CCZ1: variants seen among roughly 807,000 people sequenced by gnomAD.
CCZ1 encodes the protein vacuolar fusion protein CCZ1 homolog.
CCZ1 carries 19 observed loss-of-function variants against 57.8 expected under a neutral mutation model. The observed-to-expected ratio is 0.33, with a 90% CI of 0.23 to 0.48. The LOEUF (loss-of-function observed/expected upper bound fraction) is 0.48, where lower values mean the gene tolerates loss of function less well. CCZ1 is among the 20% of genes least tolerant of loss of function. The pLI, the probability that CCZ1 is intolerant of heterozygous loss-of-function variation, is 0.99. For synonymous variants in CCZ1, 81 were observed against 167.0 expected, an observed-to-expected ratio of 0.49 and a Z score of 3.97; for missense variants, 200 against 492.0, an observed-to-expected ratio of 0.41 and a Z score of 5.61.
intron 7 of CCZ1, 30 bp from the exon 8 acceptor site, chr7:5,910,005 G>GT (rs1391598510): frequency 6.3e-7 from 1 of 1,593,980 alleles, no homozygotes; most frequent in Non-Finnish European, 8.6e-7. Flanking sequence ...AGTTCCAAAC[G>GT]TTTAACCCAG....
intron 4 of CCZ1, 130 bp from the exon 5 acceptor site, chr7:5,901,527 G>C: frequency 2.3e-6 from 3 of 1,314,454 alleles, no homozygotes; most frequent in Non-Finnish European, 2.0e-6. Context: ...TTTTCAGCAC[G>C]CAACTATTGT....
chr7:5,920,898 C>T (rs1356673635), intron 12 of CCZ1, among the ~76,000 whole-genome samples: 7 of 120,038 alleles, frequency 5.8e-5, no homozygotes, highest in African/African-American at 2.3e-4. Context: ...TACTAAAAGG[C>T]TGTGAATTTC....
intron 5 of CCZ1, 71 bp from the exon 6 acceptor site, chr7:5,902,590 A>G: frequency 2.0e-6 from 3 of 1,500,240 alleles, no homozygotes; most frequent in Non-Finnish European, 2.6e-6. Context: ...AAAGGAAAAA[A>G]AGAACTTGTT....
At chr7:5,905,902 C>CTTTTTTTT (rs148585423) in intron 7 of CCZ1, among the ~76,000 whole-genome samples, 6 of 93,012 alleles carry the variant, frequency 6.5e-5, no homozygotes, top group African/African-American at 8.3e-5. Context: ...ATTTTTATAC[C>CTTTTTTTT]TTTTTTTTTT....
chr7:5,904,545 A>T lies in CCZ1; in HGVS notation c.523-549A>T, dbSNP rs1449504008. On this transcript the variant is annotated intron_variant, in intron 6 of 14. Coordinates refer to ENST00000325974, the MANE Select transcript of CCZ1 (RefSeq NM_015622.6). ...GTCTATACCAAAAAAAAAAAAAAAA[A>T]TTTTTGGCCAGGCGTGGTGGCTCAC... Among the ~76,000 whole-genome samples, 1,395 of 145,476 alleles carry T rather than the reference A, an allele frequency of 9.6e-3. 88 individuals carry two copies. The highest frequency in any genetic ancestry group is 0.037 in the Admixed American group (551 of 14,844).
chr7:5,906,809 G>C (rs1166614832), intron 7 of CCZ1, among the ~76,000 whole-genome samples: 2 of 150,868 alleles, frequency 1.3e-5, no homozygotes, highest in Non-Finnish European at 2.9e-5. Flanking sequence ...AACTTGGTGG[G>C]TTTCCACATG....
In CCZ1 at chr7:5,912,828, G is replaced by T. The variant is rs753066301; in HGVS notation, c.843-15G>T. 17 of 1,160,374 alleles carry T rather than the reference G, an allele frequency of 1.5e-5. No homozygotes were observed. The highest frequency in any genetic ancestry group is 1.8e-5 in the Non-Finnish European group (14 of 770,484). 71.9% of individuals were successfully genotyped at this position (1,160,374 alleles called of 1,614,324 possible). A position where few individuals can be genotyped will look rare whatever the true frequency, so the allele number is the denominator to read the frequency against. On this transcript the variant is annotated splice_polypyrimidine_tract_variant and intron_variant, in intron 9 of 14. Transcript: ENST00000325974. Reference sequence around the variant, plus strand: ...CACCTCGTTGAATCAAGTCATGTCTGTTCTTGCTTTTAAGATTTCTTACCG... The same window carrying T: ...CACCTCGTTGAATCAAGTCATGTCTTTTCTTGCTTTTAAGATTTCTTACCG...
At chr7:5,902,458 A>G in intron 5 of CCZ1, 2 of 1,008,322 alleles carry the variant, frequency 2.0e-6, no homozygotes, top group Non-Finnish European at 2.6e-6. Context: ...AGGTGGTTTC[A>G]TAAATAAGAC....
Position 5,899,463 on chromosome 7 carries a change from T to A in CCZ1, c.120+544T>A, listed in dbSNP as rs997569124. On this transcript the variant is annotated intron_variant, in intron 1 of 14. Transcript: ENST00000325974. ...TGTTTCCAGCAAGTCAGACTTCTGT[T>A]AAAGACTGTCCAGGCTGGGCGCTGT... Among the ~76,000 whole-genome samples the A allele has an allele frequency of 1.1e-4, 15 of 140,836 alleles. 1 individual carries two copies. Among genetic ancestry groups the A allele is most frequent in the African/African-American group, 3.9e-4 (15 of 38,156 alleles). The allele number at this position is 140,836 out of a possible 152,430, so 92.4% of individuals were successfully genotyped here.
intron 6 of CCZ1, among the ~76,000 whole-genome samples, chr7:5,903,835 A>G (rs1343811205): frequency 6.8e-6 from 1 of 146,404 alleles, no homozygotes; most frequent in Non-Finnish European, 1.5e-5. Context: ...CTACTAAAAA[A>G]TACCAAAAAA....
In CCZ1 at chr7:5,898,883, C is replaced by T; in HGVS notation, c.84C>T (p.Phe28=). 1.9e-6 allele frequency: 1 copy of T among 523,188 alleles called. No individual in the cohort carries two copies. The highest frequency in any genetic ancestry group is 3.0e-6 in the Non-Finnish European group (1 of 328,598). The allele number at this position is 523,188 out of a possible 1,614,324, so 32.4% of individuals were successfully genotyped here. ...KQFPPALLSF[F]IYNPRFGPRE... is the part of the protein sequence containing the mutation. ...TCCCGCCGGCGCTGCTGAGTTTCTT[C>T]ATCTACAACCCGCGCTTCGGGCCGC... Residue 28 remains phenylalanine (F), a synonymous_variant, in exon 1 of 15, where the codon TTC becomes TTT. Transcript: ENST00000325974.
At chr7:5,913,231 G>A (rs1469369161) in intron 10 of CCZ1, among the ~76,000 whole-genome samples, 1 of 145,356 alleles carries the variant, frequency 6.9e-6, no homozygotes, top group Admixed American at 6.9e-5. Flanking sequence ...GGCTGTCAGA[G>A]GTTGGTGCTG....
chr7:5,911,014 G>A, intron 8 of CCZ1, among the ~76,000 whole-genome samples: 1 of 149,008 alleles, frequency 6.7e-6, no homozygotes, highest in African/African-American at 2.5e-5. Context: ...GGGATTACAG[G>A]CGTGAGCTAC....
Position 5,910,707 on chromosome 7 carries a change from T to TTTATC in CCZ1, c.780+595_780+596insCTTAT, listed in dbSNP as rs1781951753. On this transcript the variant is annotated intron_variant, in intron 8 of 14. Coordinates refer to ENST00000325974, the MANE Select transcript of CCZ1 (RefSeq NM_015622.6). ...TTTACTTTTAATTTATGTATTTTAT[T>TTTATC]TTATTTATTTATTTATTTATTTATT... Among the ~76,000 whole-genome samples, 2 of 100,564 alleles carry TTTATC rather than the reference T, an allele frequency of 2.0e-5. 1 individual carries two copies. The highest frequency in any genetic ancestry group is 5.3e-4 in the East Asian group (2 of 3,746). The allele number at this position is 100,564 out of a possible 152,430, so 66.0% of individuals were successfully genotyped here.
At chr7:5,921,848 G>GT (rs369126119) in intron 12 of CCZ1, among the ~76,000 whole-genome samples, 1,448 of 138,076 alleles carry the variant, frequency 0.01, no homozygotes, top group African/African-American at 0.022. Flanking sequence ...CACCTGTTTT[G>GT]TTTTTTTGTG....
rs185895842 is a variant in CCZ1 at position 5,899,402 on chromosome 7, C to A, written c.120+483C>A. Among the ~76,000 whole-genome samples the A allele has an allele frequency of 1.3e-3, 174 of 137,566 alleles. 1 individual carries two copies. The highest frequency in any genetic ancestry group is 2.1e-3 in the Non-Finnish European group (130 of 62,216). 90.2% of individuals were successfully genotyped at this position (137,566 alleles called of 152,430 possible). ...GTGTGTGGTTTTTCTGAGGTGGGGA[C>A]GGCGACTTTCTCAAAGGATGTCCGG... is the stretch of plus-strand genomic sequence containing the variant. On this transcript the variant is annotated intron_variant, in intron 1 of 14. Coordinates refer to ENST00000325974, the MANE Select transcript of CCZ1 (RefSeq NM_015622.6).
At chr7:5,921,151 G>A (rs1779234872) in intron 12 of CCZ1, among the ~76,000 whole-genome samples, 2 of 127,302 alleles carry the variant, frequency 1.6e-5, no homozygotes, top group Non-Finnish European at 3.4e-5. Context: ...GACTGGTCTC[G>A]AACTCCTGAC....
intron 1 of CCZ1, 74 bp downstream of exon 1, chr7:5,898,993 C>A: frequency 3.2e-6 from 1 of 316,038 alleles, no homozygotes; most frequent in Non-Finnish European, 5.2e-6. Flanking sequence ...GTTCTGCCCA[C>A]CTCGAGGGGC....
At chr7:5,899,226 A>G (rs1449218162) in intron 1 of CCZ1, among the ~76,000 whole-genome samples, 1 of 104,814 alleles carries the variant, frequency 9.5e-6, no homozygotes, top group African/African-American at 3.6e-5. Context: ...GTCCCCAACT[A>G]GAAGCGTGGA....
Sources: allele counts gnomAD v4.1 joint callset (sites outside exome capture counted in the v4.1 genomes callset), GRCh38; gene constraint gnomAD v4.1.1; transcripts MANE v1.5; gene names NCBI Gene and HGNC (gene_info 2026-07-23, HGNC 2026-07-21).